The following HLA-DQB2 variants were observed in gnomAD, a reference collection of about 807,000 sequenced individuals.
HLA-DQB2 encodes the protein major histocompatibility complex, class II, DQ beta 2.
HLA-DQB2 carries 24 observed loss-of-function variants against 29.2 expected under a neutral mutation model. The observed-to-expected ratio is 0.82, with a 90% CI of 0.60 to 1.16. The LOEUF (loss-of-function observed/expected upper bound fraction) is 1.16. Ranked by LOEUF, HLA-DQB2 falls within the 50% of genes most tolerant of loss-of-function variation. The pLI is 0.00. For synonymous variants in HLA-DQB2, 104 were observed against 133.1 expected (o/e 0.78, Z 1.51); for missense variants, 273 against 343.6 (o/e 0.79, Z 1.62).
chr6:32,758,627 T>C (rs1296899879), intron 3 of HLA-DQB2, among the ~76,000 whole-genome samples: 6 of 152,218 alleles, frequency 3.9e-5, no homozygotes, highest in Non-Finnish European at 8.8e-5. Context: ...AGTACAAGAA[T>C]GGACTAACAC....
intron 4 of HLA-DQB2, among the ~76,000 whole-genome samples, chr6:32,757,509 A>T (rs9276568): frequency 0.63 from 94,047 of 150,390 alleles, 29,536 homozygotes; most frequent in East Asian, 0.82. Context: ...TCTGACCCTC[A>T]TAATGGAGGA....
rs763148374 is a variant in HLA-DQB2 at position 32,761,824 on chromosome 6, C to T, written c.200G>A (p.Arg67His). The T allele has an allele frequency of 3.4e-5, 55 of 1,604,426 alleles. No individual in the cohort carries two copies. The highest frequency in any genetic ancestry group is 4.4e-5 in the Non-Finnish European group (52 of 1,175,556). Reference protein sequence around the residue: ...RYIYNREEYGRFDSDVGEFQA... With the variant: ...RYIYNREEYGHFDSDVGEFQA... ...GAACTCCCCAACGTCGCTGTCGAAG[C>T]GCCCGTACTCCTCGCGGTTATAGAT... is the stretch of plus-strand genomic sequence containing the variant. Residue 67 changes from arginine (R) to histidine (H), a missense_variant, in exon 2 of 6, where the codon CGC (arginine) becomes CAC (histidine). Coordinates refer to ENST00000437316, the MANE Select transcript of HLA-DQB2 (RefSeq NM_001300790.2).
In HLA-DQB2 at chr6:32,757,844, C is replaced by CAA; in HGVS notation, c.685_686insTT (p.Gly229ValfsTer10). 1.9e-6 allele frequency: 3 copies of CAA among 1,613,834 alleles called. No individual in the cohort carries two copies. Among genetic ancestry groups the CAA allele is most frequent in the African/African-American group, 2.7e-5 (2 of 75,034 alleles). On this transcript the variant is annotated frameshift_variant, in exon 4 of 6. Transcript: ENST00000437316. LOFTEE classifies it high-confidence loss of function. ...CAGCCCCAGCACGAAGCCTCCAATG[C>CAA]CACTCAGCATCTTGCTCTGGGCAGA...
intron 2 of HLA-DQB2, among the ~76,000 whole-genome samples, chr6:32,761,307 C>A (rs1034670365): frequency 7.6e-6 from 1 of 131,170 alleles, no homozygotes; most frequent in African/African-American, 2.8e-5. Flanking sequence ...GGCGGGCATT[C>A]GGGCAGAAAG....
At chr6:32,756,789 G>A in intron 5 of HLA-DQB2, 1 of 1,229,298 alleles carries the variant, frequency 8.1e-7, no homozygotes, top group South Asian at 3.2e-5. Context: ...CCTACAGGCA[G>A]TAGCTAACAA....
chr6:32,757,916 C>G, intron 3 of HLA-DQB2, 33 bp from the exon 4 acceptor site: 1 of 1,570,612 alleles, frequency 6.4e-7, no homozygotes, highest in Non-Finnish European at 8.6e-7. Context: ...AGTGTTTGTC[C>G]CCACACCCCA....
Position 32,761,658 on chromosome 6 carries a change from A to C in HLA-DQB2, c.364+2T>G. 3.9e-6 allele frequency: 6 copies of C among 1,546,364 alleles called. No homozygotes were observed. Among genetic ancestry groups the C allele is most frequent in the Non-Finnish European group, 5.2e-6 (6 of 1,146,328 alleles). On this transcript the variant is annotated splice_donor_variant, in intron 2 of 5. Transcript: ENST00000437316. LOFTEE classifies it high-confidence loss of function. Reference sequence around the variant, plus strand: ...GCCCCGCGGAAGGACGACGACGCTCACCTTGCCGCTGCAAGGTCGTGCGCA... The same window carrying C: ...GCCCCGCGGAAGGACGACGACGCTCCCCTTGCCGCTGCAAGGTCGTGCGCA...
At chr6:32,758,359 C>T (rs1764463416) in intron 3 of HLA-DQB2, among the ~76,000 whole-genome samples, 1 of 152,134 alleles carries the variant, frequency 6.6e-6, no homozygotes, top group African/African-American at 2.4e-5. Context: ...CACCAACCCC[C>T]TCTCTCTCAT....
intron 5 of HLA-DQB2, chr6:32,756,784 A>T: frequency 8.1e-7 from 1 of 1,238,104 alleles, no homozygotes; most frequent in Non-Finnish European, 1.0e-6. Flanking sequence ...AAATGCCTAC[A>T]GGCAGTAGCT....
In HLA-DQB2 at chr6:32,761,689, G is replaced by C; in HGVS notation, c.335C>G (p.Ala112Gly). Residue 112 changes from alanine (A) to glycine (G), a missense_variant, in exon 2 of 6, where the codon GCG becomes GGG. Coordinates refer to ENST00000437316, the MANE Select transcript of HLA-DQB2 (RefSeq NM_001300790.2). ...CCGCTGCAAGGTCGTGCGCAGCTCC[G>C]CCTCGTAGTTGTGTCTGCACACCTT... The part of the protein sequence containing the change: ...VDKVCRHNYE[A>G]ELRTTLQRQV... 6.4e-7 allele frequency: 1 copy of C among 1,550,968 alleles called. No individual in the cohort carries two copies. The highest frequency in any genetic ancestry group is 1.4e-5 in the African/African-American group (1 of 73,120).
At chr6:32,757,930 T>C (rs1764427929) in intron 3 of HLA-DQB2, 47 bp from the exon 4 acceptor site, 1 of 1,093,482 alleles carries the variant, frequency 9.1e-7, no homozygotes, top group African/African-American at 1.6e-5. Flanking sequence ...CACCCCATAA[T>C]GTCCTTGGTA....
chr6:32,761,808 A>G lies in HLA-DQB2; in HGVS notation c.216T>C (p.Val72=), dbSNP rs760736981. 1.9e-6 allele frequency: 3 copies of G among 1,587,924 alleles called. No individual in the cohort carries two copies. Among genetic ancestry groups the G allele is most frequent in the Non-Finnish European group, 2.6e-6 (3 of 1,167,046 alleles). Residue 72 remains valine (V), a synonymous_variant, in exon 2 of 6, where the codon GTT becomes GTC. Coordinates refer to ENST00000437316, the MANE Select transcript of HLA-DQB2 (RefSeq NM_001300790.2). The part of the protein sequence containing the change: ...REEYGRFDSD[V]GEFQAVTELG... ...GCTCGGTCACCGCCTGGAACTCCCC[A>G]ACGTCGCTGTCGAAGCGCCCGTACT...
chr6:32,761,064 A>G (rs1764746540), intron 2 of HLA-DQB2, among the ~76,000 whole-genome samples: 1 of 152,290 alleles, frequency 6.6e-6, no homozygotes, highest in Non-Finnish European at 1.5e-5. Flanking sequence ...CACCTCAAAG[A>G]GCTCCGCCAT....
At chr6:32,756,900 C>A in intron 5 of HLA-DQB2, 1 of 1,190,026 alleles carries the variant, frequency 8.4e-7, no homozygotes, top group Non-Finnish European at 1.0e-6. Flanking sequence ...AGGCCTGGTT[C>A]TAGGAAACAA....
At chr6:32,757,496 G>A (rs1764360429) in intron 4 of HLA-DQB2, among the ~76,000 whole-genome samples, 192 bp from the exon 5 acceptor site, 1 of 152,164 alleles carries the variant, frequency 6.6e-6, no homozygotes, top group South Asian at 2.1e-4. Flanking sequence ...AGGAGGCCGA[G>A]GCTCTGACCC....
chr6:32,762,065 G>A, intron 1 of HLA-DQB2, 139 bp from the exon 2 acceptor site: 1 of 1,192,570 alleles, frequency 8.4e-7, no homozygotes, highest in Non-Finnish European at 1.2e-6. Flanking sequence ...GTTCTTGGCT[G>A]GGCCCGTGCC....
rs1168498269 is a variant in HLA-DQB2, at chr6:32,756,414, G to A, written c.*39C>T. ...TGGGCAGGGGCAGGTGGGCATTACA[G>A]AAGAGTGATGACCAATCCCAGACAA... On this transcript the variant is annotated 3_prime_UTR_variant, in exon 6 of 6. Transcript: ENST00000437316. The A allele has an allele frequency of 1.6e-6, 2 of 1,243,414 alleles. No individual in the cohort carries two copies. Among genetic ancestry groups the A allele is most frequent in the Middle Eastern group, 1.9e-4 (1 of 5,266 alleles). 77.0% of individuals were successfully genotyped at this position (1,243,414 alleles called of 1,614,324 possible). A position where few individuals can be genotyped will look rare whatever the true frequency, so the allele number is the denominator to read the frequency against.
At position 32,756,378 on chromosome 6, in the gene HLA-DQB2, G is replaced by A. The variant is rs561090370; in HGVS notation, c.*75C>T. 4.3e-6 allele frequency: 4 copies of A among 921,758 alleles called. 1 individual carries two copies. The highest frequency in any genetic ancestry group is 1.9e-5 in the Admixed American group (1 of 52,294). The allele number at this position is 921,758 out of a possible 1,614,324, so 57.1% of individuals were successfully genotyped here. On this transcript the variant is annotated 3_prime_UTR_variant, in exon 6 of 6. Transcript: ENST00000437316. ...TCAGTGGGACAGGGTGACACAGGCAGCTAGGAATTCTGGGCAGGGGCAGGT... is the reference window on the plus strand; with the variant it reads ...TCAGTGGGACAGGGTGACACAGGCAACTAGGAATTCTGGGCAGGGGCAGGT...
In HLA-DQB2 at chr6:32,761,794, G is replaced by T. The variant is rs1213812113; in HGVS notation, c.230C>A (p.Ala77Glu). ...GATGCTCCGCCCCAGCTCGGTCACC[G>T]CCTGGAACTCCCCAACGTCGCTGTC... Reference protein sequence around the residue: ...RFDSDVGEFQAVTELGRSIED... With the variant: ...RFDSDVGEFQEVTELGRSIED... The change falls in exon 2 of 6, where the codon GCG (alanine) becomes GAG (glutamate). Residue 77 changes from alanine to glutamate, a missense_variant. By Grantham distance (107) the Ala-to-Glu change is moderately radical. Coordinates refer to ENST00000437316, the MANE Select transcript of HLA-DQB2 (RefSeq NM_001300790.2). The T allele has an allele frequency of 1.9e-6, 3 of 1,593,910 alleles. No homozygotes were observed. In the African/African-American group the frequency reaches 4.0e-5, roughly 21 times the overall value.
Sources: allele counts gnomAD v4.1 joint callset (sites outside exome capture counted in the v4.1 genomes callset), GRCh38; gene constraint gnomAD v4.1.1; transcripts MANE v1.5; gene names NCBI Gene and HGNC (gene_info 2026-07-23, HGNC 2026-07-21).